The following GRM5 variants were observed in gnomAD, a reference collection of about 807,000 sequenced individuals.
GRM5 encodes glutamate metabotropic receptor 5.
GRM5 carries 19 observed loss-of-function variants against 83.1 expected under a neutral mutation model. That is an observed-to-expected ratio of 0.23 (90% CI 0.16 to 0.34). GRM5 has a LOEUF of 0.34. Ranked by LOEUF, GRM5 falls within the 10% of genes least tolerant of loss-of-function variation. The probability of loss-of-function intolerance (pLI) is 1.00; values close to 1 mark genes in which losing one functional copy is unlikely to be tolerated. For synonymous variants in GRM5, 675 were observed against 633.6 expected, an observed-to-expected ratio of 1.07 and a Z score of -0.98; for missense variants, 1,160 against 1,588.3, an observed-to-expected ratio of 0.73 and a Z score of 4.58.
In GRM5 at chr11:88,563,495, C is replaced by A. The variant is rs557493208; in HGVS notation, c.2630+3558G>T. Among the ~76,000 whole-genome samples the A allele has an allele frequency of 4.6e-5, 7 of 152,276 alleles. No individual in the cohort carries two copies. In the South Asian group the frequency reaches 1.5e-3, roughly 32 times the overall value. On this transcript the variant is annotated intron_variant, in intron 8 of 9. Transcript: ENST00000305447. ...TTCCATGTGGAAGGGACACACACGA[C>A]CCCATCCAGAAACAGAGGGCATACC...
intron 3 of GRM5, among the ~76,000 whole-genome samples, chr11:88,741,203 A>G (rs1367812184): frequency 6.6e-6 from 1 of 152,092 alleles, no homozygotes; most frequent in Non-Finnish European, 1.5e-5. Flanking sequence ...AGCTGACACT[A>G]CTGGTCTGGA....
At chr11:88,937,902 A>T (rs1465309028) in intron 2 of GRM5, among the ~76,000 whole-genome samples, 1 of 151,738 alleles carries the variant, frequency 6.6e-6, no homozygotes, top group Non-Finnish European at 1.5e-5. Context: ...CTAAAGAGGC[A>T]AACAGTTGTA....
chr11:88,812,856 T>C (rs900538566), intron 3 of GRM5, among the ~76,000 whole-genome samples: 2 of 152,134 alleles, frequency 1.3e-5, no homozygotes, highest in African/African-American at 4.8e-5. Context: ...GAAACAAATA[T>C]TTTAAATGTT....
intron 7 of GRM5, among the ~76,000 whole-genome samples, chr11:88,588,069 A>T (rs184244853): frequency 4.6e-5 from 7 of 152,190 alleles, no homozygotes; most frequent in Admixed American, 1.3e-4. Context: ...TGGATACATT[A>T]TTCAGTAGCA....
rs150332232 is a variant in GRM5 at position 88,809,294 on chromosome 11, C to A, written c.911+40612G>T. ...TCAGACTTCTTTCCCCTCTAAGGGG[C>A]AAGTTAGAGGCTTATTCTAATAAGC... On this transcript the variant is annotated intron_variant, in intron 3 of 9. Transcript: ENST00000305447. Among the ~76,000 whole-genome samples, 1,229 of 152,128 alleles carry A rather than the reference C, an allele frequency of 8.1e-3. 63 individuals carry two copies. Among genetic ancestry groups the A allele is most frequent in the Admixed American group, 0.074 (1,123 of 15,266 alleles).
At chr11:88,891,708 TACAG>T (rs1945146934) in intron 2 of GRM5, among the ~76,000 whole-genome samples, 1 of 151,748 alleles carries the variant, frequency 6.6e-6, no homozygotes, top group Admixed American at 6.6e-5. Flanking sequence ...TTTTGTCACT[TACAG>T]ACAATTGTTA....
intron 3 of GRM5, among the ~76,000 whole-genome samples, chr11:88,758,525 G>C (rs1213367968): frequency 6.6e-6 from 1 of 152,104 alleles, no homozygotes; most frequent in Admixed American, 6.6e-5. Flanking sequence ...AAATAAGACA[G>C]TCAGAGAAGA....
intron 1 of GRM5, among the ~76,000 whole-genome samples, chr11:89,057,957 A>G (rs1284186751): frequency 6.6e-6 from 1 of 152,146 alleles, no homozygotes; most frequent in Non-Finnish European, 1.5e-5. Context: ...TAGAAATCGA[A>G]GTTTAGAGGT....
chr11:88,701,155 A>C (rs1441846586), intron 3 of GRM5, among the ~76,000 whole-genome samples: 1 of 152,154 alleles, frequency 6.6e-6, no homozygotes, highest in Non-Finnish European at 1.5e-5. Context: ...CAGCCACTGT[A>C]GGCTTCTTGA....
chr11:88,826,915 A>T (rs1943903794), intron 3 of GRM5, among the ~76,000 whole-genome samples: 1 of 152,222 alleles, frequency 6.6e-6, no homozygotes, highest in Non-Finnish European at 1.5e-5. Context: ...GAAAAGTGGA[A>T]GTGTCAGGCT....
chr11:88,983,743 G>A (rs1939601368), intron 2 of GRM5, among the ~76,000 whole-genome samples: 1 of 151,798 alleles, frequency 6.6e-6, no homozygotes, highest in Non-Finnish European at 1.5e-5. Flanking sequence ...CTGTAAAACA[G>A]CCCCAGGCAA....
At chr11:88,730,137 A>G (rs925963415) in intron 3 of GRM5, among the ~76,000 whole-genome samples, 3 of 152,240 alleles carry the variant, frequency 2.0e-5, no homozygotes, top group Non-Finnish European at 4.4e-5. Context: ...CTCATCTGAC[A>G]AAGGGCTAAT....
chr11:88,508,671 G>A lies in GRM5; in HGVS notation c.3560C>T (p.Ser1187Leu), dbSNP rs951989577. The change falls in exon 10 of 10, where the codon TCG becomes TTG. Residue 1187 changes from serine (S) to leucine (L), a missense_variant. By Grantham distance (145) the Ser-to-Leu change is moderately radical (BLOSUM62 -2). Transcript: ENST00000305447. This position sits in a 1 kb window ranked among gnomAD's most constrained non-coding sequence, Gnocchi z 4.2. ...GGGAGACGACGGGATACAGAGGGCCGACTCGGACACTGGCGAGTTGGGGGT... is the reference window on the plus strand; with the variant it reads ...GGGAGACGACGGGATACAGAGGGCCAACTCGGACACTGGCGAGTTGGGGGT... ...STTPNSPVSE[S>L]ALCIPSSPKY... 1.2e-6 allele frequency: 2 copies of A among 1,608,666 alleles called. No homozygotes were observed. Among genetic ancestry groups the A allele is most frequent in the Admixed American group, 3.3e-5 (2 of 59,810 alleles).
chr11:88,879,879 C>G (rs1280132692), intron 2 of GRM5, among the ~76,000 whole-genome samples: 1 of 151,852 alleles, frequency 6.6e-6, no homozygotes, highest in African/African-American at 2.4e-5. Context: ...TTAAATATTA[C>G]TTAATATTTC....
intron 3 of GRM5, among the ~76,000 whole-genome samples, chr11:88,766,331 A>G (rs566721066): frequency 1.3e-5 from 2 of 152,144 alleles, no homozygotes; most frequent in South Asian, 4.1e-4. Context: ...CATAACCAAA[A>G]TGGCACGGTA....
At chr11:88,661,905 A>C (rs1348537000) in intron 3 of GRM5, among the ~76,000 whole-genome samples, 1 of 152,140 alleles carries the variant, frequency 6.6e-6, no homozygotes, top group Non-Finnish European at 1.5e-5. Context: ...TAATTCCAAA[A>C]AGAATCAAAA....
At chr11:88,727,304 T>C (rs945555907) in intron 3 of GRM5, among the ~76,000 whole-genome samples, 2 of 152,270 alleles carry the variant, frequency 1.3e-5, no homozygotes, top group Admixed American at 6.5e-5. Flanking sequence ...CATTATATAA[T>C]GGTAACTGGA....
At chr11:88,581,450 T>C (rs1229727254) in intron 7 of GRM5, among the ~76,000 whole-genome samples, 1 of 152,206 alleles carries the variant, frequency 6.6e-6, no homozygotes. Flanking sequence ...AATTTGAACA[T>C]GGGCATGTTT....
rs192165935 is a variant in GRM5 at position 88,553,093 on chromosome 11, G to T, written c.2630+13960C>A. On this transcript the variant is annotated intron_variant, in intron 8 of 9. Coordinates refer to ENST00000305447, the MANE Select transcript of GRM5 (RefSeq NM_001143831.3). ...TGCTCAGTTTTTCTCAAGTACCATC[G>T]GACATTTTAAACATTCTTTAGATTA... Among the ~76,000 whole-genome samples, 164 of 152,094 alleles carry T rather than the reference G, an allele frequency of 1.1e-3. 1 individual carries two copies. The highest frequency in any genetic ancestry group is 3.4e-3 in the Middle Eastern group (1 of 294).
Sources: allele counts gnomAD v4.1 joint callset (sites outside exome capture counted in the v4.1 genomes callset), GRCh38; gene constraint gnomAD v4.1.1; non-coding constraint Gnocchi (gnomAD v3.1); transcripts MANE v1.5; gene names NCBI Gene and HGNC (gene_info 2026-07-23, HGNC 2026-07-21).